Variants in CPXM2 observed in about 807,000 individuals in gnomAD.
The protein encoded by CPXM2 is carboxypeptidase X, M14 family member 2, also known as inactive carboxypeptidase-like protein X2.
Under a neutral mutation model 86.1 loss-of-function variants are expected in CPXM2, and 66 were observed. The ratio of observed to expected loss-of-function variants is 0.77; its 90% CI spans 0.63 to 0.94. CPXM2 has a LOEUF of 0.94. CPXM2 is among the 40% of genes least tolerant of loss of function. The pLI is 0.00. For missense variants in CPXM2, 948 were observed against 1,026.3 expected, an observed-to-expected ratio of 0.92 and a Z score of 1.04; for synonymous variants, 388 against 400.2, an observed-to-expected ratio of 0.97 and a Z score of 0.36.
At chr10:123,817,880 G>A (rs1269733837) in intron 4 of CPXM2, among the ~76,000 whole-genome samples, 1 of 152,218 alleles carries the variant, frequency 6.6e-6, no homozygotes, top group East Asian at 1.9e-4. Context: ...CAGCACTGAA[G>A]GGAAATCTTC....
intron 3 of CPXM2, among the ~76,000 whole-genome samples, chr10:123,857,813 G>A (rs144302960): frequency 7.2e-4 from 109 of 152,328 alleles, no homozygotes; most frequent in African/African-American, 2.5e-3. Context: ...TTCCACGCTC[G>A]CCCCTGACAG....
intron 6 of CPXM2, among the ~76,000 whole-genome samples, chr10:123,784,835 C>T (rs1262896130): frequency 2.6e-5 from 4 of 152,126 alleles, no homozygotes; most frequent in Non-Finnish European, 4.4e-5. Context: ...CGTTCACGTA[C>T]GATTGAGGCA....
At chr10:123,819,699 A>G (rs1847885875) in intron 4 of CPXM2, among the ~76,000 whole-genome samples, 1 of 152,190 alleles carries the variant, frequency 6.6e-6, no homozygotes, top group Admixed American at 6.5e-5. Flanking sequence ...TAGTGGTATT[A>G]TGTTAGCTGT....
chr10:123,864,377 G>A (rs1018274349), intron 2 of CPXM2, among the ~76,000 whole-genome samples: 1 of 152,176 alleles, frequency 6.6e-6, no homozygotes, highest in South Asian at 2.1e-4. Context: ...TGTGGTTTCA[G>A]GGTTCAAGGG....
intron 6 of CPXM2, among the ~76,000 whole-genome samples, chr10:123,795,464 T>A (rs915395128): frequency 2.0e-5 from 3 of 152,076 alleles, no homozygotes; most frequent in African/African-American, 4.8e-5. Flanking sequence ...GAATGTTTCG[T>A]GAGAAAGAGG....
intron 2 of CPXM2, among the ~76,000 whole-genome samples, chr10:123,924,699 G>A (rs192217530): frequency 6.6e-5 from 10 of 152,130 alleles, no homozygotes; most frequent in African/African-American, 1.7e-4. Flanking sequence ...GCAGAGTGGC[G>A]GTGGGTGAGC....
intron 2 of CPXM2, among the ~76,000 whole-genome samples, chr10:123,932,265 G>A (rs1945672335): frequency 6.6e-6 from 1 of 152,166 alleles, no homozygotes; most frequent in African/African-American, 2.4e-5. Context: ...TCTGGTGCCT[G>A]TCTCTAGAAT....
At chr10:123,811,429 GA>G (rs1847693969) in intron 4 of CPXM2, among the ~76,000 whole-genome samples, 1 of 152,108 alleles carries the variant, frequency 6.6e-6, no homozygotes, top group African/African-American at 2.4e-5. Flanking sequence ...ATAGTTTGCA[GA>G]GAATGATGCT....
rs376038492 is a variant in CPXM2 at position 123,780,234 on chromosome 10, C to T, written c.911G>A (p.Arg304His). 96 of 1,607,516 alleles carry T rather than the reference C, an allele frequency of 6.0e-5. No homozygotes were observed. Among genetic ancestry groups the T allele is most frequent in the Non-Finnish European group, 7.9e-5 (93 of 1,174,216 alleles). Residue 304 changes from arginine (R) to histidine (H), a missense_variant, in exon 7 of 14, where the codon CGC becomes CAC. Transcript: ENST00000241305. ...ATCAGTGGTGGTCATCTCGTTCCGG[C>T]GGTGATAATAATTATTAGGATCTAG... ...PLPDPNNYYH[R>H]RNEMTTTDDL...
At chr10:123,915,881 C>T (rs972708355) in intron 2 of CPXM2, among the ~76,000 whole-genome samples, 3 of 152,108 alleles carry the variant, frequency 2.0e-5, no homozygotes, top group Non-Finnish European at 1.5e-5. Flanking sequence ...CCTGGAGTTC[C>T]GCCGAATACT....
At chr10:123,850,389 G>A (rs1848575432) in intron 3 of CPXM2, among the ~76,000 whole-genome samples, 1 of 152,208 alleles carries the variant, frequency 6.6e-6, no homozygotes, top group Admixed American at 6.5e-5. Flanking sequence ...GTCAACCACA[G>A]TCTGAAAATA....
At chr10:123,901,333 C>T (rs542210081) in intron 2 of CPXM2, among the ~76,000 whole-genome samples, 1 of 152,252 alleles carries the variant, frequency 6.6e-6, no homozygotes, top group African/African-American at 2.4e-5. Flanking sequence ...TTGTAAATCA[C>T]ATGCTGAGAC....
intron 1 of CPXM2, among the ~76,000 whole-genome samples, chr10:123,890,951 G>C (rs898355949): frequency 6.6e-6 from 1 of 152,244 alleles, no homozygotes; most frequent in Non-Finnish European, 1.5e-5. Flanking sequence ...TGCCAAAACA[G>C]CCAGCCATCC....
intron 7 of CPXM2, among the ~76,000 whole-genome samples, chr10:123,778,556 C>T (rs749557090): frequency 4.6e-5 from 7 of 152,308 alleles, no homozygotes; most frequent in East Asian, 3.9e-4. Flanking sequence ...AAGCATACTC[C>T]GCTTGCTTTC....
intron 2 of CPXM2, among the ~76,000 whole-genome samples, chr10:123,922,140 G>A (rs1046972113): frequency 3.3e-5 from 5 of 152,226 alleles, no homozygotes; most frequent in Non-Finnish European, 7.4e-5. Context: ...CCTCTACCCC[G>A]TAGATACCAG....
At chr10:123,816,825 C>T (rs1302292418) in intron 4 of CPXM2, among the ~76,000 whole-genome samples, 2 of 152,214 alleles carry the variant, frequency 1.3e-5, no homozygotes, top group Non-Finnish European at 2.9e-5. Context: ...AGATCTTGAT[C>T]GCTTTTCACT....
chr10:123,767,165 G>GA lies in CPXM2; in HGVS notation c.1300-14dup, dbSNP rs1395532883. The stretch of plus-strand genomic sequence containing the variant: ...CCAGCTCCGAGCCCTGGAGACAAGT[G>GA]AGAGTGTGAAGAATGCACAGGCTGC... On this transcript the variant is annotated splice_polypyrimidine_tract_variant and intron_variant, in intron 9 of 13. Coordinates refer to ENST00000241305, the MANE Select transcript of CPXM2 (RefSeq NM_198148.3). 1.9e-6 allele frequency: 3 copies of GA among 1,612,852 alleles called. No individual in the cohort carries two copies. In the African/African-American group the frequency reaches 4.0e-5, roughly 22 times the overall value.
chr10:123,827,840 T>G (rs117580935), intron 4 of CPXM2, among the ~76,000 whole-genome samples: 59 of 152,220 alleles, frequency 3.9e-4, no homozygotes, highest in East Asian at 9.6e-4. Flanking sequence ...CAGGACTGTA[T>G]GATAGTAAGG....
At chr10:123,927,005 G>A (rs994310654) in intron 2 of CPXM2, among the ~76,000 whole-genome samples, 7 of 152,166 alleles carry the variant, frequency 4.6e-5, no homozygotes, top group Non-Finnish European at 8.8e-5. Context: ...GACAGGTCCT[G>A]GGACATAGGA....
Sources: allele counts gnomAD v4.1 joint callset (sites outside exome capture counted in the v4.1 genomes callset), GRCh38; gene constraint gnomAD v4.1.1; transcripts MANE v1.5; gene names NCBI Gene and HGNC (gene_info 2026-07-23, HGNC 2026-07-21).